Variants in PDGFD observed in about 807,000 individuals in gnomAD.
PDGFD encodes the protein platelet derived growth factor D, also known as platelet-derived growth factor D.
In PDGFD, 30 loss-of-function variants were observed where a neutral mutation model predicts 44.7. The observed-to-expected ratio is 0.67, with a 90% confidence interval of 0.50 to 0.91. PDGFD has a LOEUF of 0.91. PDGFD is among the 40% of genes least tolerant of loss of function. The pLI is 0.00. For synonymous variants in PDGFD, 173 were observed against 168.4 expected, an observed-to-expected ratio of 1.03 and a Z score of -0.21; for missense variants, 445 against 457.8, an observed-to-expected ratio of 0.97 and a Z score of 0.25.
At chr11:104,010,636 T>C (rs1216259692) in intron 1 of PDGFD, among the ~76,000 whole-genome samples, 2 of 152,128 alleles carry the variant, frequency 1.3e-5, no homozygotes, top group Non-Finnish European at 2.9e-5. Context: ...TTTTAGAATA[T>C]TTGAATCTGG....
intron 1 of PDGFD, among the ~76,000 whole-genome samples, chr11:104,100,396 C>T (rs188343038): frequency 2.5e-4 from 38 of 152,266 alleles, no homozygotes; most frequent in Middle Eastern, 3.4e-3. Context: ...TACATACACC[C>T]TCCCAAGACT....
intron 1 of PDGFD, among the ~76,000 whole-genome samples, chr11:104,015,452 C>A (rs1859847096): frequency 6.6e-6 from 1 of 152,110 alleles, no homozygotes; most frequent in Non-Finnish European, 1.5e-5. Flanking sequence ...AACTACAGGT[C>A]ATCTTTCTTG....
chr11:104,145,648 CTTATT>C (rs1161119969), intron 1 of PDGFD, among the ~76,000 whole-genome samples: 1 of 152,038 alleles, frequency 6.6e-6, no homozygotes, highest in Non-Finnish European at 1.5e-5. Context: ...GCCTTTTAGA[CTTATT>C]TTATTTTCAT....
At chr11:104,039,625 C>A (rs1036257814) in intron 1 of PDGFD, among the ~76,000 whole-genome samples, 3 of 152,012 alleles carry the variant, frequency 2.0e-5, no homozygotes, top group South Asian at 2.1e-4. Context: ...TAAAAATGAT[C>A]AAATGAACAG....
intron 1 of PDGFD, among the ~76,000 whole-genome samples, chr11:104,057,695 A>G (rs1016007458): frequency 6.6e-6 from 1 of 152,208 alleles, no homozygotes; most frequent in Admixed American, 6.5e-5. Flanking sequence ...AAATTTTAAA[A>G]AAGTCCAGAA....
Position 103,907,221 on chromosome 11 carries a change from A to G in PDGFD, c.*2473T>C, listed in dbSNP as rs755940787. 1 of 152,076 alleles carries G rather than the reference A, an allele frequency of 6.6e-6. No homozygotes were observed. Among genetic ancestry groups the G allele is most frequent in the African/African-American group, 2.4e-5 (1 of 41,408 alleles). 9.4% of individuals were successfully genotyped at this position (152,076 alleles called of 1,614,324 possible). On this transcript the variant is annotated 3_prime_UTR_variant, in exon 7 of 7. Transcript: ENST00000393158. Reference sequence around the variant, plus strand: ...CAAAAGCAATATTTATTTTTCATGAAGATAAGAGGCATATTACATTCGCTA... The same window carrying G: ...CAAAAGCAATATTTATTTTTCATGAGGATAAGAGGCATATTACATTCGCTA...
At chr11:104,116,765 G>T (rs1279898083) in intron 1 of PDGFD, among the ~76,000 whole-genome samples, 3 of 151,974 alleles carry the variant, frequency 2.0e-5, no homozygotes, top group Non-Finnish European at 4.4e-5. Flanking sequence ...GGAGGTAATT[G>T]AATCATAGGG....
chr11:103,954,438 C>T (rs895658030), intron 3 of PDGFD, among the ~76,000 whole-genome samples: 42 of 152,210 alleles, frequency 2.8e-4, no homozygotes, highest in African/African-American at 9.7e-4. Flanking sequence ...GTTCCTGGAT[C>T]TCACGGAGGG....
intron 1 of PDGFD, among the ~76,000 whole-genome samples, chr11:104,058,786 A>G (rs1447324696): frequency 6.6e-6 from 1 of 152,260 alleles, no homozygotes; most frequent in Non-Finnish European, 1.5e-5. Context: ...CATATGATGG[A>G]AAACCTCTCA....
chr11:104,129,648 A>G (rs538274533), intron 1 of PDGFD, among the ~76,000 whole-genome samples: 5 of 152,276 alleles, frequency 3.3e-5, no homozygotes, highest in Admixed American at 1.3e-4. Flanking sequence ...CTAAAGAAGA[A>G]ACTTCAAGTT....
chr11:104,159,153 C>CAAAAA (rs765727400), intron 1 of PDGFD, among the ~76,000 whole-genome samples: 1 of 66,566 alleles, frequency 1.5e-5, no homozygotes, highest in Non-Finnish European at 2.9e-5. Flanking sequence ...GACTCCATCT[C>CAAAAA]AAAAAAAAAA....
chr11:104,070,204 A>G (rs187230767), intron 1 of PDGFD, among the ~76,000 whole-genome samples: 126 of 152,278 alleles, frequency 8.3e-4, no homozygotes, highest in African/African-American at 2.7e-3. Flanking sequence ...TTTATCAGAG[A>G]ACGGTATTTA....
chr11:104,146,644 A>G (rs1172408944), intron 1 of PDGFD, among the ~76,000 whole-genome samples: 1 of 152,200 alleles, frequency 6.6e-6, no homozygotes, highest in Non-Finnish European at 1.5e-5. Context: ...GGGGCCAATC[A>G]AGGGGATGGG....
chr11:103,993,386 T>C (rs1453001187), intron 3 of PDGFD, among the ~76,000 whole-genome samples: 1 of 151,586 alleles, frequency 6.6e-6, no homozygotes, highest in Non-Finnish European at 1.5e-5. Context: ...CACGAACTAA[T>C]CTTAAGGCTC....
intron 1 of PDGFD, among the ~76,000 whole-genome samples, chr11:104,072,150 T>TTAGTA (rs1471919287): frequency 6.6e-6 from 1 of 151,912 alleles, no homozygotes. Context: ...TTGGAGATTC[T>TTAGTA]TTACATTTAT....
intron 1 of PDGFD, among the ~76,000 whole-genome samples, chr11:104,008,763 G>T (rs1028958045): frequency 2.0e-5 from 3 of 152,034 alleles, no homozygotes; most frequent in Non-Finnish European, 2.9e-5. Flanking sequence ...CTGAGGCAAA[G>T]GACTATGTCT....
At chr11:104,128,968 G>C (rs190400939) in intron 1 of PDGFD, among the ~76,000 whole-genome samples, 1 of 152,092 alleles carries the variant, frequency 6.6e-6, no homozygotes, top group South Asian at 2.1e-4. Context: ...TGCAAACTCC[G>C]TACATCCAGT....
rs550206027 is a variant in PDGFD at position 103,950,370 on chromosome 11, G to C, written c.511-2646C>G. On this transcript the variant is annotated intron_variant, in intron 3 of 6. Coordinates refer to ENST00000393158, the MANE Select transcript of PDGFD (RefSeq NM_025208.5). ...TCAAGACCAGCCTGGCCAACATGGT[G>C]AAAACTCATCTCTACTAATAATACA... Among the ~76,000 whole-genome samples the C allele has an allele frequency of 1.5e-4, 20 of 131,982 alleles. No homozygotes were observed. In the East Asian group the frequency reaches 4.2e-3, roughly 27 times the overall value. 86.6% of individuals were successfully genotyped at this position (131,982 alleles called of 152,430 possible). A position where few individuals can be genotyped will look rare whatever the true frequency, so the allele number is the denominator to read the frequency against.
chr11:104,135,124 T>C (rs1308713897), intron 1 of PDGFD, among the ~76,000 whole-genome samples: 1 of 145,752 alleles, frequency 6.9e-6, no homozygotes, highest in Non-Finnish European at 1.5e-5. Context: ...AAATAGACAA[T>C]CACACTTAGA....
Sources: gnomAD v4.1 joint callset for allele counts (sites outside exome capture counted in the v4.1 genomes callset) on GRCh38, gnomAD v4.1.1 for gene constraint, MANE v1.5 for transcripts, NCBI Gene and HGNC (gene_info 2026-07-23, HGNC 2026-07-21) for gene names.